LRP1B: variants seen among roughly 807,000 people sequenced by gnomAD.
LRP1B encodes low-density lipoprotein receptor-related protein 1B.
LRP1B carries 217 observed loss-of-function variants against 556.6 expected under a neutral mutation model. That is an observed-to-expected ratio of 0.39 (90% CI 0.35 to 0.44). The LOEUF (loss-of-function observed/expected upper bound fraction) is 0.44, where lower values mean the gene tolerates loss of function less well. Ranked by LOEUF, LRP1B falls within the 20% of genes least tolerant of loss-of-function variation. The pLI is 1.00. For missense variants in LRP1B, 5,053 were observed against 5,620.8 expected (o/e 0.90, Z 3.23); for synonymous variants, 2,047 against 1,865.8 (o/e 1.10, Z -2.50).
At chr2:140,644,289 T>C (rs1684401219) in intron 41 of LRP1B, among the ~76,000 whole-genome samples, 1 of 152,166 alleles carries the variant, frequency 6.6e-6, no homozygotes, top group Non-Finnish European at 1.5e-5. Context: ...ATTGTCCTTA[T>C]ATTGGACAGA....
chr2:141,019,036 G>A (rs1205634034), intron 12 of LRP1B, among the ~76,000 whole-genome samples: 1 of 151,700 alleles, frequency 6.6e-6, no homozygotes. Flanking sequence ...TGTAAGCCAT[G>A]GAAGGAAAAA....
intron 1 of LRP1B, among the ~76,000 whole-genome samples, chr2:142,002,184 T>C (rs2105138648): frequency 6.6e-6 from 1 of 152,098 alleles, no homozygotes; most frequent in Non-Finnish European, 1.5e-5. Flanking sequence ...CCAAAAGGAG[T>C]CTATCTCGGG....
chr2:141,384,573 C>T (rs570033707), intron 3 of LRP1B, among the ~76,000 whole-genome samples: 34 of 152,162 alleles, frequency 2.2e-4, no homozygotes, highest in African/African-American at 7.9e-4. Context: ...CCATGGGAAG[C>T]CATGGGTGGC....
chr2:140,278,882 C>T (rs946689106), intron 84 of LRP1B, among the ~76,000 whole-genome samples: 3 of 151,916 alleles, frequency 2.0e-5, no homozygotes, highest in African/African-American at 7.2e-5. Context: ...GCTCACTACA[C>T]TCCAGCCCTG....
chr2:140,317,763 T>TGTCA (rs1684590515), intron 82 of LRP1B, among the ~76,000 whole-genome samples: 1 of 152,124 alleles, frequency 6.6e-6, no homozygotes, highest in Non-Finnish European at 1.5e-5. Context: ...CATTTTTACC[T>TGTCA]GTCAGTTCTA....
At chr2:140,367,131 T>C (rs1187428525) in intron 71 of LRP1B, among the ~76,000 whole-genome samples, 1 of 151,680 alleles carries the variant, frequency 6.6e-6, no homozygotes, top group East Asian at 1.9e-4. Flanking sequence ...AAAATGCTCA[T>C]GATTGTTATT....
Position 141,648,200 on chromosome 2 carries a change from C to G in LRP1B, c.205+162079G>C, listed in dbSNP as rs1314513130. Among the ~76,000 whole-genome samples the G allele has an allele frequency of 3.3e-5, 5 of 152,162 alleles. No individual in the cohort carries two copies. In the South Asian group the frequency reaches 1.0e-3, roughly 31 times the overall value. On this transcript the variant is annotated intron_variant, in intron 2 of 90. Transcript: ENST00000389484. Reference sequence around the variant, plus strand: ...GGATAGTACAAAGAGGCTGGACCTGCAATGAGGATGCCTGAATTCTTGACT... The same window carrying G: ...GGATAGTACAAAGAGGCTGGACCTGGAATGAGGATGCCTGAATTCTTGACT...
intron 11 of LRP1B, among the ~76,000 whole-genome samples, chr2:141,032,665 ATT>A (rs1274362256): frequency 6.6e-6 from 1 of 151,572 alleles, no homozygotes; most frequent in Non-Finnish European, 1.5e-5. Flanking sequence ...TTTTTCTGAT[ATT>A]GTCTTTATTT....
intron 43 of LRP1B, chr2:140,586,797 G>A (rs552902628): frequency 6.6e-6 from 1 of 152,192 alleles, no homozygotes; most frequent in East Asian, 1.9e-4. Context: ...GATACATGCA[G>A]TAGAACATGT....
chr2:140,282,801 A>C (rs1431186504), intron 84 of LRP1B, among the ~76,000 whole-genome samples: 6 of 151,810 alleles, frequency 4.0e-5, no homozygotes, highest in African/African-American at 1.5e-4. Context: ...TTGTCTCTCT[A>C]TCTATGGATA....
At chr2:141,090,144 T>C (rs1406560809) in intron 7 of LRP1B, among the ~76,000 whole-genome samples, 1 of 152,222 alleles carries the variant, frequency 6.6e-6, no homozygotes, top group Non-Finnish European at 1.5e-5. Context: ...AGGGGGTTAG[T>C]GTTGATTGAT....
At chr2:140,699,185 A>T (rs1036852782) in intron 41 of LRP1B, among the ~76,000 whole-genome samples, 19 of 152,038 alleles carry the variant, frequency 1.2e-4, no homozygotes. Flanking sequence ...AATTTTTATT[A>T]AAAAACGATT....
intron 20 of LRP1B, among the ~76,000 whole-genome samples, chr2:140,927,707 G>C (rs573477900): frequency 3.4e-5 from 3 of 87,280 alleles, no homozygotes; most frequent in Non-Finnish European, 4.3e-5. Context: ...TACGAGGAAG[G>C]CTTTTTTTTT....
intron 3 of LRP1B, among the ~76,000 whole-genome samples, chr2:141,410,507 T>C (rs1002626103): frequency 6.6e-6 from 1 of 152,114 alleles, no homozygotes; most frequent in African/African-American, 2.4e-5. Flanking sequence ...TAAGGCAATT[T>C]TTGTAAAATT....
At position 142,066,007 on chromosome 2, in the gene LRP1B, G is replaced by T. The variant is rs759142539; in HGVS notation, c.82+64641C>A. Among the ~76,000 whole-genome samples the T allele has an allele frequency of 2.0e-5, 3 of 151,282 alleles. No homozygotes were observed. The Admixed American group carries it at 2.0e-4, about 10-fold the overall frequency. On this transcript the variant is annotated intron_variant, in intron 1 of 90. Coordinates refer to ENST00000389484, the MANE Select transcript of LRP1B (RefSeq NM_018557.3). ...AAAGTATAATGGTGGTACAGACACA[G>T]GATAACAATTATAGATATTCTGGTT...
At chr2:141,443,487 A>G (rs184844203) in intron 3 of LRP1B, among the ~76,000 whole-genome samples, 8 of 152,046 alleles carry the variant, frequency 5.3e-5, no homozygotes, top group African/African-American at 1.7e-4. Flanking sequence ...TTGGTGTTTT[A>G]GTCATGAAGT....
At chr2:140,602,740 ATT>A in intron 41 of LRP1B, among the ~76,000 whole-genome samples, 1 of 151,458 alleles carries the variant, frequency 6.6e-6, no homozygotes, top group African/African-American at 2.4e-5. Context: ...TTTTTTTCAT[ATT>A]TTTTTATTTC....
chr2:140,752,042 C>T (rs1008366550), intron 35 of LRP1B, among the ~76,000 whole-genome samples: 3 of 151,950 alleles, frequency 2.0e-5, no homozygotes, highest in Non-Finnish European at 2.9e-5. Context: ...ATAGGCTGGG[C>T]GCAATGGCTC....
intron 2 of LRP1B, among the ~76,000 whole-genome samples, chr2:141,488,973 TTG>T (rs386651254): frequency 2.8e-4 from 11 of 39,402 alleles, no homozygotes; most frequent in Admixed American, 4.4e-4. Flanking sequence ...TTGTTTTTTT[TTG>T]TTTGTTTGTT....
Sources: gnomAD v4.1 joint callset for allele counts (sites outside exome capture counted in the v4.1 genomes callset) on GRCh38, gnomAD v4.1.1 for gene constraint, MANE v1.5 for transcripts, NCBI Gene and HGNC (gene_info 2026-07-23, HGNC 2026-07-21) for gene names.